Variants in QRSL1 observed in about 807,000 individuals in gnomAD.
QRSL1 encodes the protein glutamyl-tRNA(Gln) amidotransferase subunit A, mitochondrial.
A neutral mutation model predicts 61.6 loss-of-function variants in QRSL1; 54 were observed. The ratio of observed to expected loss-of-function variants is 0.88; its 90% CI spans 0.70 to 1.10. The LOEUF (loss-of-function observed/expected upper bound fraction) is 1.10. Ranked by LOEUF, QRSL1 falls within the 50% of genes least tolerant of loss-of-function variation. The probability of loss-of-function intolerance (pLI) is 0.00; values close to 1 mark genes in which losing one functional copy is unlikely to be tolerated. For synonymous variants in QRSL1, 228 were observed against 225.7 expected (o/e 1.01, Z -0.09); for missense variants, 505 against 622.6 (o/e 0.81, Z 2.01).
chr6:106,664,719 A>T (rs572838682), intron 10 of QRSL1, among the ~76,000 whole-genome samples: 1 of 152,224 alleles, frequency 6.6e-6, no homozygotes, highest in East Asian at 1.9e-4. Flanking sequence ...GAAACAGTTA[A>T]TATCAGTTTG....
At chr6:106,660,284 C>T (rs1474362019) in intron 9 of QRSL1, among the ~76,000 whole-genome samples, 3 of 152,212 alleles carry the variant, frequency 2.0e-5, no homozygotes, top group Non-Finnish European at 2.9e-5. Context: ...CTGGCAGCCT[C>T]GACCTCCCAG....
rs1296781220 is a variant in QRSL1, at chr6:106,652,459, C to T, written c.734-8C>T. ...ATATCTGTCATTCATAAGTATTGCT[C>T]CTTACAGGTGCACTGGCCGGACCTG... is the stretch of plus-strand genomic sequence containing the variant. On this transcript the variant is annotated splice_region_variant and splice_polypyrimidine_tract_variant and intron_variant, in intron 6 of 10. Transcript: ENST00000369046. 2 of 1,613,986 alleles carry T rather than the reference C, an allele frequency of 1.2e-6. No homozygotes were observed. Among genetic ancestry groups the T allele is most frequent in the East Asian group, 2.2e-5 (1 of 44,888 alleles).
At position 106,667,216 on chromosome 6, in the gene QRSL1, G is replaced by C. The variant is rs562257721; in HGVS notation, c.*1214G>C. ...CAGATAATTTGCTGATGAAGCAGAA[G>C]AGGGGATGCGCATGGCAAGAACTTG... On this transcript the variant is annotated 3_prime_UTR_variant, in exon 11 of 11. Coordinates refer to ENST00000369046, the MANE Select transcript of QRSL1 (RefSeq NM_018292.5). The C allele has an allele frequency of 1.4e-3, 215 of 152,356 alleles. No individual in the cohort carries two copies. The highest frequency in any genetic ancestry group is 5.1e-3 in the African/African-American group (211 of 41,582). 9.4% of individuals were successfully genotyped at this position (152,356 alleles called of 1,614,324 possible).
intron 1 of QRSL1, among the ~76,000 whole-genome samples, chr6:106,635,493 A>G (rs1482506814): frequency 6.6e-6 from 1 of 152,206 alleles, no homozygotes; most frequent in Non-Finnish European, 1.5e-5. Context: ...TGTGTTAAAG[A>G]GAGGATGAGT....
At chr6:106,664,815 A>T (rs1777407232) in intron 10 of QRSL1, among the ~76,000 whole-genome samples, 1 of 152,180 alleles carries the variant, frequency 6.6e-6, no homozygotes, top group East Asian at 1.9e-4. Flanking sequence ...TTTTCCTTTT[A>T]TCATTTTTTT....
chr6:106,634,297 A>C (rs1342166756), intron 1 of QRSL1, among the ~76,000 whole-genome samples: 2 of 152,228 alleles, frequency 1.3e-5, no homozygotes, highest in Non-Finnish European at 2.9e-5. Flanking sequence ...GGAGACAGGT[A>C]GGAGCCAAAT....
Position 106,660,887 on chromosome 6 carries a change from C to CA in QRSL1, c.1161-2091dup, listed in dbSNP as rs372555168. On this transcript the variant is annotated intron_variant, in intron 9 of 10. Coordinates refer to ENST00000369046, the MANE Select transcript of QRSL1 (RefSeq NM_018292.5). The stretch of plus-strand genomic sequence containing the variant: ...CTCTTAGAATGGCACCAATCCCACT[C>CA]AAGAGTGGAGTTGTTATGGCCCAAT... Among the ~76,000 whole-genome samples the CA allele has an allele frequency of 4.7e-3, 720 of 152,202 alleles. 8 individuals carry two copies. Among genetic ancestry groups the CA allele is most frequent in the African/African-American group, 0.017 (693 of 41,520 alleles).
intron 9 of QRSL1, among the ~76,000 whole-genome samples, chr6:106,656,240 C>T (rs975055874): frequency 5.3e-5 from 8 of 152,136 alleles, no homozygotes; most frequent in South Asian, 2.1e-4. Flanking sequence ...AAACCCCCAA[C>T]GGACACCAAG....
At chr6:106,647,600 G>A (rs1237355137) in intron 4 of QRSL1, among the ~76,000 whole-genome samples, 1 of 142,118 alleles carries the variant, frequency 7.0e-6, no homozygotes, top group Non-Finnish European at 1.5e-5. Flanking sequence ...TTAAATGGAA[G>A]ACCTGACTCT....
At chr6:106,645,156 C>T (rs1376185225) in intron 4 of QRSL1, among the ~76,000 whole-genome samples, 1 of 152,086 alleles carries the variant, frequency 6.6e-6, no homozygotes, top group Non-Finnish European at 1.5e-5. Context: ...TAGTAAGAGT[C>T]TTCTAACTTT....
rs754993801 is a variant in QRSL1 at position 106,665,951 on chromosome 6, T to G, written c.1536T>G (p.Cys512Trp). 6.2e-7 allele frequency: 1 copy of G among 1,614,016 alleles called. No individual in the cohort carries two copies. Among genetic ancestry groups the G allele is most frequent in the African/African-American group, 1.3e-5 (1 of 75,052 alleles). Residue 512 changes from cysteine to tryptophan, a missense_variant, in exon 11 of 11, where the codon TGT becomes TGG. Physicochemically the swap from Cys to Trp is radical, Grantham distance 215 (BLOSUM62 -2). Coordinates refer to ENST00000369046, the MANE Select transcript of QRSL1 (RefSeq NM_018292.5). ...AACTTCAAGAACTCATGGATGATTG[T>G]TCAGCAGTCCTTGAAAATGAAAAGT... ...VIQLQELMDDCSAVLENEKLA... is the reference protein window; with the variant it reads ...VIQLQELMDDWSAVLENEKLA...
intron 7 of QRSL1, 62 bp from the exon 8 acceptor site, chr6:106,654,668 T>A: frequency 7.1e-7 from 1 of 1,408,354 alleles, no homozygotes; most frequent in Admixed American, 2.3e-5. Context: ...ACAGATGAAG[T>A]ACAAATTTTT....
intron 4 of QRSL1, among the ~76,000 whole-genome samples, chr6:106,647,964 A>G (rs898371039): frequency 6.6e-6 from 1 of 150,376 alleles, no homozygotes; most frequent in African/African-American, 2.4e-5. Context: ...TACATTATTG[A>G]ATCAGTTGAC....
chr6:106,652,700 G>A (rs1777208782), intron 7 of QRSL1, 118 bp downstream of exon 7: 1 of 1,557,368 alleles, frequency 6.4e-7, no homozygotes, highest in Non-Finnish European at 8.7e-7. Context: ...TTAATCATGT[G>A]AGTTGAGTAT....
intron 5 of QRSL1, among the ~76,000 whole-genome samples, chr6:106,651,219 T>G (rs1018829381): frequency 6.6e-6 from 1 of 152,116 alleles, no homozygotes; most frequent in Non-Finnish European, 1.5e-5. Flanking sequence ...TCCAGGTCCG[T>G]TTTTTGTTTT....
At chr6:106,632,187 A>G (rs1776846340) in intron 1 of QRSL1, among the ~76,000 whole-genome samples, 1 of 152,202 alleles carries the variant, frequency 6.6e-6, no homozygotes, top group Non-Finnish European at 1.5e-5. Flanking sequence ...TACATGTAGG[A>G]CATTTTCTCT....
chr6:106,636,231 G>C lies in QRSL1; in HGVS notation c.25-4118G>C, dbSNP rs145545995. Among the ~76,000 whole-genome samples, 510 of 152,040 alleles carry C rather than the reference G, an allele frequency of 3.4e-3. 5 individuals carry two copies. The highest frequency in any genetic ancestry group is 0.012 in the African/African-American group (478 of 41,472). On this transcript the variant is annotated intron_variant, in intron 1 of 10. Coordinates refer to ENST00000369046, the MANE Select transcript of QRSL1 (RefSeq NM_018292.5). Reference sequence around the variant, plus strand: ...TTCTTGTCCCAAGCATTTTGGATAAGGGATACTCACCCTGTAGTATAGTAA... The same window carrying C: ...TTCTTGTCCCAAGCATTTTGGATAACGGATACTCACCCTGTAGTATAGTAA...
intron 10 of QRSL1, among the ~76,000 whole-genome samples, chr6:106,665,047 T>G (rs1176503562): frequency 1.3e-5 from 2 of 152,222 alleles, no homozygotes; most frequent in Non-Finnish European, 2.9e-5. Context: ...TTATAAGCAA[T>G]TACTGTCAGT....
At chr6:106,649,965 C>T (rs2114709786) in intron 5 of QRSL1, among the ~76,000 whole-genome samples, 1 of 152,298 alleles carries the variant, frequency 6.6e-6, no homozygotes, top group African/African-American at 2.4e-5. Flanking sequence ...TAAGTTCTTT[C>T]ACACACATTG....
Sources: gnomAD v4.1 joint callset for allele counts (sites outside exome capture counted in the v4.1 genomes callset) on GRCh38, gnomAD v4.1.1 for gene constraint, MANE v1.5 for transcripts, NCBI Gene and HGNC (gene_info 2026-07-23, HGNC 2026-07-21) for gene names.